PLA2G4E: variants seen among roughly 807,000 people sequenced by gnomAD.
The protein encoded by PLA2G4E is cytosolic phospholipase A2 epsilon.
A neutral mutation model predicts 109.1 loss-of-function variants in PLA2G4E; 84 were observed. The observed-to-expected ratio is 0.77, with a 90% CI of 0.65 to 0.92. The LOEUF (loss-of-function observed/expected upper bound fraction) is 0.92, where lower values mean the gene tolerates loss of function less well. Among genes scored for constraint, PLA2G4E ranks in the 40% least tolerant of loss-of-function variants. The pLI is 0.00. For missense variants in PLA2G4E, 1,057 were observed against 1,076.6 expected (o/e 0.98, Z 0.25); for synonymous variants, 469 against 436.1 (o/e 1.08, Z -0.94).
intron 6 of PLA2G4E, among the ~76,000 whole-genome samples, chr15:42,002,279 A>AC (rs1183277939): frequency 5.4e-5 from 8 of 148,836 alleles, no homozygotes; most frequent in East Asian, 3.9e-4. Context: ...AAAAAAAAAA[A>AC]AAAAAAAAGG....
At chr15:42,015,047 G>A (rs545941994) in intron 1 of PLA2G4E, among the ~76,000 whole-genome samples, 1 of 152,114 alleles carries the variant, frequency 6.6e-6, no homozygotes, top group South Asian at 2.1e-4. Context: ...CCTCCTGGGG[G>A]CTCTGCCATC....
chr15:41,995,385 T>G (rs1386507119), exon 12 of PLA2G4E: 1 of 1,613,376 alleles, frequency 6.2e-7, no homozygotes, highest in East Asian at 2.2e-5. Flanking sequence ...AGACCGGTGA[T>G]GTAGCTGGCA....
chr15:42,045,085 G>T (rs906300460), intron 1 of PLA2G4E, among the ~76,000 whole-genome samples: 1 of 152,192 alleles, frequency 6.6e-6, no homozygotes, highest in East Asian at 1.9e-4. Context: ...GCAGGTGAAG[G>T]TACACAGGGC....
chr15:42,021,504 C>T (rs981059178), intron 1 of PLA2G4E, among the ~76,000 whole-genome samples: 9 of 150,796 alleles, frequency 6.0e-5, no homozygotes, highest in African/African-American at 2.2e-4. Flanking sequence ...CATGGGGTCC[C>T]TGGCCACAAC....
chr15:42,013,882 G>GTTTTTT (rs10539531), intron 1 of PLA2G4E, 125 bp from the exon 2 acceptor site: 18 of 134,298 alleles, frequency 1.3e-4, no homozygotes, highest in African/African-American at 5.1e-4. Flanking sequence ...CCCTAGGCTG[G>GTTTTTT]TTTTTTTTTT....
chr15:41,992,061 C>T (rs75595817), intron 13 of PLA2G4E, among the ~76,000 whole-genome samples: 2,496 of 152,220 alleles, frequency 0.016, 87 homozygotes, highest in African/African-American at 0.057. Flanking sequence ...TTCTTGGGCA[C>T]GTATTAGTCA....
At chr15:42,031,378 A>G (rs1254761459) in intron 1 of PLA2G4E, among the ~76,000 whole-genome samples, 2 of 152,208 alleles carry the variant, frequency 1.3e-5, no homozygotes, top group Admixed American at 6.5e-5. Context: ...CTAAATCCCC[A>G]GACGTGAAAT....
chr15:42,031,957 G>A (rs957681482), intron 1 of PLA2G4E, among the ~76,000 whole-genome samples: 2 of 152,198 alleles, frequency 1.3e-5, no homozygotes, highest in Non-Finnish European at 2.9e-5. Flanking sequence ...TTTGGGTCAT[G>A]GGGATGGATT....
intron 13 of PLA2G4E, among the ~76,000 whole-genome samples, chr15:41,991,059 G>C (rs1018917370): frequency 1.2e-4 from 18 of 152,100 alleles, no homozygotes; most frequent in Non-Finnish European, 7.4e-5. Flanking sequence ...AGAAAACAGG[G>C]TCATAACTGG....
rs559541687 is a variant in PLA2G4E at position 41,985,166 on chromosome 15, A to G, written c.2203-547T>C. 1.9e-4 allele frequency among the ~76,000 whole-genome samples: 29 copies of G among 152,286 alleles called. No individual in the cohort carries two copies. In the South Asian group the frequency reaches 5.8e-3, roughly 31 times the overall value. On this transcript the variant is annotated intron_variant, in intron 18 of 19. Coordinates refer to ENST00000399518, the Ensembl canonical transcript of PLA2G4E. Reference sequence around the variant, plus strand: ...TTGGTTTCCTCATCCATAACATGAGAAATGATAGCAGTTGTGCCGTCTCCC... The same window carrying G: ...TTGGTTTCCTCATCCATAACATGAGGAATGATAGCAGTTGTGCCGTCTCCC...
Position 41,999,909 on chromosome 15 carries a change from G to A in PLA2G4E, c.936+8C>T. On this transcript the variant is annotated splice_region_variant and intron_variant, in intron 9 of 19. Transcript: ENST00000399518. ...AGTCAGGGGCCCTTCCCAGACTCAGGCACTCACCACAGGCAGGGTCATCAC... is the reference window on the plus strand; with the variant it reads ...AGTCAGGGGCCCTTCCCAGACTCAGACACTCACCACAGGCAGGGTCATCAC... 6.2e-7 allele frequency: 1 copy of A among 1,605,466 alleles called. No homozygotes were observed.
rs758613773 is a variant in PLA2G4E, at chr15:42,010,131, G to GCCCC, written c.257-2267_257-2266insGGGG. On this transcript the variant is annotated intron_variant, in intron 2 of 19. Transcript: ENST00000399518. ...CTTCCCTTGGCTTTTCCAGAACACT[G>GCCCC]GCCCCCCCACCCCGGGCCTGGACCA... 3.6e-5 allele frequency: 16 copies of GCCCC among 440,832 alleles called. No homozygotes were observed. In the African/African-American group the frequency reaches 3.9e-4, roughly 11 times the overall value. The allele number at this position is 440,832 out of a possible 1,614,324, so 27.3% of individuals were successfully genotyped here. A position where few individuals can be genotyped will look rare whatever the true frequency, so the allele number is the denominator to read the frequency against.
At chr15:42,007,888 A>G (rs750755930) in intron 2 of PLA2G4E, 23 bp from the exon 3 acceptor site, 10 of 1,587,092 alleles carry the variant, frequency 6.3e-6, no homozygotes, top group African/African-American at 1.3e-5. Context: ...GATAAGTGGA[A>G]CCAATCCAGG....
chr15:42,021,827 C>T (rs574056563), intron 1 of PLA2G4E, among the ~76,000 whole-genome samples: 2 of 152,336 alleles, frequency 1.3e-5, no homozygotes, highest in South Asian at 4.1e-4. Flanking sequence ...TGGGGCCCCA[C>T]AACCGGCTTT....
At chr15:42,025,958 T>C (rs1032159503) in intron 1 of PLA2G4E, among the ~76,000 whole-genome samples, 5 of 152,218 alleles carry the variant, frequency 3.3e-5, no homozygotes, top group Admixed American at 6.5e-5. Flanking sequence ...TATATAATGT[T>C]AGGTGGAGGA....
At chr15:42,006,253 C>G (rs1011938485) in intron 3 of PLA2G4E, 132 bp from the exon 4 acceptor site, 3 of 1,106,400 alleles carry the variant, frequency 2.7e-6, no homozygotes, top group Non-Finnish European at 3.8e-6. Flanking sequence ...AGTCCCTGCT[C>G]AGATGTGACA....
chr15:42,029,272 T>G (rs990502269), intron 1 of PLA2G4E, among the ~76,000 whole-genome samples: 2 of 152,160 alleles, frequency 1.3e-5, no homozygotes, highest in East Asian at 1.9e-4. Context: ...TTTTGTATTT[T>G]TTTTGTAGAG....
rs767107910 is a variant in PLA2G4E, at chr15:41,990,239, T to G, written c.1471-4A>C. ...CTGACAGTTTGCATTCATTTCTCTG[T>G]GGGGAAACAAAATGGTTAAAGAGAA... On this transcript the variant is annotated splice_region_variant and splice_polypyrimidine_tract_variant and intron_variant, in intron 13 of 19. Coordinates refer to ENST00000399518, the Ensembl canonical transcript of PLA2G4E. 6.2e-7 allele frequency: 1 copy of G among 1,612,868 alleles called. No homozygotes were observed. Among genetic ancestry groups the G allele is most frequent in the African/African-American group, 1.3e-5 (1 of 74,898 alleles).
At chr15:42,042,787 C>T (rs1889338158) in intron 1 of PLA2G4E, among the ~76,000 whole-genome samples, 2 of 152,176 alleles carry the variant, frequency 1.3e-5, no homozygotes, top group South Asian at 4.1e-4. Context: ...GTGAAACATC[C>T]ACTCATTGGG....
Sources: gnomAD v4.1 joint callset for allele counts (sites outside exome capture counted in the v4.1 genomes callset) on GRCh38, gnomAD v4.1.1 for gene constraint, MANE v1.5 for transcripts, NCBI Gene and HGNC (gene_info 2026-07-23, HGNC 2026-07-21) for gene names.